Variants in PTGFR observed in about 807,000 individuals in gnomAD.
PTGFR encodes prostaglandin F2-alpha receptor.
A neutral mutation model predicts 26.2 loss-of-function variants in PTGFR; 15 were observed. The observed-to-expected ratio is 0.57, with a 90% CI of 0.38 to 0.88. The LOEUF (loss-of-function observed/expected upper bound fraction) is 0.88. Among genes scored for constraint, PTGFR ranks in the 40% least tolerant of loss-of-function variants. PTGFR has a pLI of 0.00. For missense variants in PTGFR, 369 were observed against 427.2 expected (o/e 0.86, Z 1.20); for synonymous variants, 165 against 151.1 (o/e 1.09, Z -0.68).
chr1:78,503,759 A>G (rs1649763770), intron 2 of PTGFR, among the ~76,000 whole-genome samples: 1 of 152,186 alleles, frequency 6.6e-6, no homozygotes, highest in Admixed American at 6.5e-5. Flanking sequence ...GGAGCAGGTC[A>G]GGGAGGTAAT....
At chr1:78,510,899 G>T (rs1332644747) in intron 2 of PTGFR, among the ~76,000 whole-genome samples, 1 of 152,088 alleles carries the variant, frequency 6.6e-6, no homozygotes, top group Non-Finnish European at 1.5e-5. Flanking sequence ...GAGACAAAAG[G>T]CCCCACACAA....
intron 2 of PTGFR, among the ~76,000 whole-genome samples, chr1:78,528,358 A>C (rs1570297153): frequency 6.6e-6 from 1 of 151,574 alleles, no homozygotes; most frequent in Non-Finnish European, 1.5e-5. Context: ...TTTTGACCAA[A>C]CAACAAGATT....
intron 2 of PTGFR, among the ~76,000 whole-genome samples, chr1:78,535,773 A>G (rs34491075): frequency 0.18 from 27,756 of 152,126 alleles, 2,709 homozygotes; most frequent in African/African-American, 0.21. Flanking sequence ...ACATTGTTAC[A>G]GTTAAGTCAC....
At chr1:78,531,737 C>T (rs1242083196) in intron 2 of PTGFR, among the ~76,000 whole-genome samples, 2 of 152,046 alleles carry the variant, frequency 1.3e-5, no homozygotes, top group Non-Finnish European at 2.9e-5. Context: ...AACTCCTGTG[C>T]TTGTAATTGC....
At chr1:78,515,568 C>T (rs1038981638) in intron 2 of PTGFR, among the ~76,000 whole-genome samples, 1 of 152,194 alleles carries the variant, frequency 6.6e-6, no homozygotes, top group African/African-American at 2.4e-5. Context: ...GCACATTACA[C>T]TGATTCAAAT....
intron 2 of PTGFR, among the ~76,000 whole-genome samples, chr1:78,518,729 A>T (rs546120344): frequency 2.6e-4 from 40 of 152,056 alleles, no homozygotes; most frequent in Admixed American, 4.6e-4. Context: ...AATTAAAAAA[A>T]TTTTTTTCAT....
chr1:78,498,050 G>GT (rs1483318775), intron 2 of PTGFR: 30 of 868,810 alleles, frequency 3.5e-5, no homozygotes, highest in African/African-American at 6.9e-5. Flanking sequence ...GTTAAACATT[G>GT]TTTGGTCACT....
chr1:78,527,880 T>C (rs954445422), intron 2 of PTGFR, among the ~76,000 whole-genome samples: 10 of 152,120 alleles, frequency 6.6e-5, no homozygotes, highest in African/African-American at 2.4e-4. Flanking sequence ...AGCATGACAC[T>C]GGGAATAAGG....
At chr1:78,515,874 C>T (rs895275969) in intron 2 of PTGFR, among the ~76,000 whole-genome samples, 1 of 152,134 alleles carries the variant, frequency 6.6e-6, no homozygotes, top group African/African-American at 2.4e-5. Context: ...AAATGCAGCT[C>T]ATCCTTTAGG....
intron 2 of PTGFR, among the ~76,000 whole-genome samples, chr1:78,524,155 G>C (rs1427456721): frequency 1.3e-5 from 2 of 151,944 alleles, no homozygotes; most frequent in Admixed American, 6.6e-5. Flanking sequence ...CATGATGAGG[G>C]CACTTGTTCA....
chr1:78,532,183 G>C (rs951511522), intron 2 of PTGFR: 15 of 403,266 alleles, frequency 3.7e-5, no homozygotes, highest in African/African-American at 3.1e-4. Flanking sequence ...AACCACTTAG[G>C]AGTCTATAAT....
intron 2 of PTGFR, among the ~76,000 whole-genome samples, chr1:78,495,232 C>T (rs900476159): frequency 6.6e-6 from 1 of 152,086 alleles, no homozygotes; most frequent in Admixed American, 6.5e-5. Context: ...TTGGGTGAAC[C>T]CAGTAAGAGT....
intron 2 of PTGFR, among the ~76,000 whole-genome samples, chr1:78,509,556 C>T (rs1649913652): frequency 6.6e-6 from 1 of 152,116 alleles, no homozygotes; most frequent in Admixed American, 6.6e-5. Flanking sequence ...TCTCATTATG[C>T]TTGTATTCAT....
chr1:78,507,996 C>A (rs140259201), intron 2 of PTGFR, among the ~76,000 whole-genome samples: 82 of 152,204 alleles, frequency 5.4e-4, no homozygotes, highest in African/African-American at 1.9e-3. Flanking sequence ...CAATTTAATT[C>A]TTTTCCTTCC....
intron 2 of PTGFR, among the ~76,000 whole-genome samples, chr1:78,515,505 T>C (rs538619208): frequency 9.2e-5 from 14 of 152,356 alleles, no homozygotes; most frequent in African/African-American, 1.2e-4. Flanking sequence ...TAGTCAAATG[T>C]ATATGTGGCT....
chr1:78,509,975 G>GTTGT (rs963387134), intron 2 of PTGFR, among the ~76,000 whole-genome samples: 1 of 152,150 alleles, frequency 6.6e-6, no homozygotes, highest in Non-Finnish European at 1.5e-5. Context: ...GACTTCTTGG[G>GTTGT]TTGTTTTACA....
At chr1:78,491,663 G>A (rs1649402599) in intron 1 of PTGFR, among the ~76,000 whole-genome samples, 1 of 152,218 alleles carries the variant, frequency 6.6e-6, no homozygotes, top group Admixed American at 6.5e-5. Context: ...AGGCCAGGCC[G>A]AAGGGCGGGG....
intron 2 of PTGFR, among the ~76,000 whole-genome samples, chr1:78,513,445 A>C (rs573607585): frequency 1.3e-5 from 2 of 152,228 alleles, no homozygotes; most frequent in Non-Finnish European, 2.9e-5. Flanking sequence ...TTTAAAAGTG[A>C]TGGCCTAGGG....
intron 2 of PTGFR, among the ~76,000 whole-genome samples, chr1:78,522,730 C>T (rs776147488): frequency 6.6e-5 from 10 of 152,042 alleles, no homozygotes; most frequent in Non-Finnish European, 1.2e-4. Flanking sequence ...AAACTAAGAA[C>T]GCATGACTGT....
Sources: allele counts gnomAD v4.1 joint callset (sites outside exome capture counted in the v4.1 genomes callset), GRCh38; gene constraint gnomAD v4.1.1; transcripts MANE v1.5; gene names NCBI Gene and HGNC (gene_info 2026-07-23, HGNC 2026-07-21).